ZBTB20: variants seen among roughly 807,000 people sequenced by gnomAD.
ZBTB20 encodes zinc finger and BTB domain-containing protein 20.
In ZBTB20, 9 loss-of-function variants were observed where a neutral mutation model predicts 56.9. The observed-to-expected ratio is 0.16, with a 90% CI of 0.10 to 0.28. The LOEUF (loss-of-function observed/expected upper bound fraction) is 0.28, where lower values mean the gene tolerates loss of function less well. Among genes scored for constraint, ZBTB20 ranks in the 10% least tolerant of loss-of-function variants. The pLI, the probability that ZBTB20 is intolerant of heterozygous loss-of-function variation, is 1.00. For synonymous variants in ZBTB20, 417 were observed against 420.7 expected (o/e 0.99, Z 0.11); for missense variants, 655 against 1,003.0 (o/e 0.65, Z 4.69).
intron 1 of ZBTB20, among the ~76,000 whole-genome samples, chr3:115,092,505 T>C (rs1472033120): frequency 6.6e-6 from 1 of 152,140 alleles, no homozygotes; most frequent in Non-Finnish European, 1.5e-5. Context: ...CATGCCTATA[T>C]AGAAATAGGA....
intron 5 of ZBTB20, among the ~76,000 whole-genome samples, chr3:114,737,118 C>T (rs1434403084): frequency 6.6e-6 from 1 of 151,990 alleles, no homozygotes; most frequent in African/African-American, 2.4e-5. Flanking sequence ...AATCTATGGA[C>T]AAGATGAATT....
intron 1 of ZBTB20, among the ~76,000 whole-genome samples, chr3:115,097,721 A>G (rs2083433123): frequency 6.6e-6 from 1 of 152,230 alleles, no homozygotes; most frequent in African/African-American, 2.4e-5. Flanking sequence ...GCTGATAGGA[A>G]GAGCCCACTA....
chr3:114,524,085 C>T (rs1250109893), intron 6 of ZBTB20, among the ~76,000 whole-genome samples: 2 of 151,986 alleles, frequency 1.3e-5, no homozygotes, highest in Non-Finnish European at 2.9e-5. Flanking sequence ...GTGTTAAAGG[C>T]GCATACAAGG....
intron 1 of ZBTB20, among the ~76,000 whole-genome samples, chr3:115,123,630 A>G (rs2084243607): frequency 6.6e-6 from 1 of 152,206 alleles, no homozygotes; most frequent in Non-Finnish European, 1.5e-5. Context: ...CCAAAGCTAA[A>G]TATGACCTAA....
chr3:114,586,989 CTTTTTTTTTTTTT>C (rs1195918426), intron 6 of ZBTB20, among the ~76,000 whole-genome samples: 1 of 76,976 alleles, frequency 1.3e-5, no homozygotes, highest in African/African-American at 5.0e-5. Context: ...GTATAACTCC[CTTTTTTTTTTTTT>C]TTTTTTTTTT....
Position 114,325,800 on chromosome 3 carries a change from G to C in ZBTB20, c.*13205C>G, listed in dbSNP as rs2079044913. 1 of 152,168 alleles carries C rather than the reference G, an allele frequency of 6.6e-6. No homozygotes were observed. The highest frequency in any genetic ancestry group is 1.9e-4 in the East Asian group (1 of 5,204). The allele number at this position is 152,168 out of a possible 1,614,324, so 9.4% of individuals were successfully genotyped here. ...AGCACAAAAGAAAGGTTACAAAAAC[G>C]TTGTCAGGCTATCTGTTAATCGAGT... On this transcript the variant is annotated 3_prime_UTR_variant, in exon 12 of 12. Transcript: ENST00000675478.
rs144816195 is a variant in ZBTB20 at position 114,536,342 on chromosome 3, T to C, written c.-294-35951A>G. ...TGTGCAAAAATCACAAGTATTCCTATACACCAATAACAGAGAGCCAAATCA... is the reference window on the plus strand; with the variant it reads ...TGTGCAAAAATCACAAGTATTCCTACACACCAATAACAGAGAGCCAAATCA... On this transcript the variant is annotated intron_variant, in intron 6 of 11. Transcript: ENST00000675478. Among the ~76,000 whole-genome samples the C allele has an allele frequency of 7.9e-3, 1,206 of 152,200 alleles. 20 individuals are homozygous for C. Among genetic ancestry groups the C allele is most frequent in the African/African-American group, 0.027 (1,131 of 41,546 alleles).
chr3:114,614,419 T>C (rs972921098), intron 6 of ZBTB20, among the ~76,000 whole-genome samples: 1 of 152,198 alleles, frequency 6.6e-6, no homozygotes, highest in Non-Finnish European at 1.5e-5. Context: ...GTAAAAAGTT[T>C]AGTCTCAGCC....
chr3:114,418,002 C>A (rs143175811), intron 7 of ZBTB20, among the ~76,000 whole-genome samples: 1 of 152,124 alleles, frequency 6.6e-6, no homozygotes, highest in East Asian at 1.9e-4. Flanking sequence ...TCAAGGTACG[C>A]CCACCTTGGG....
At chr3:114,837,952 T>C (rs1486059616) in intron 4 of ZBTB20, among the ~76,000 whole-genome samples, 1 of 152,170 alleles carries the variant, frequency 6.6e-6, no homozygotes, top group Admixed American at 6.5e-5. Flanking sequence ...ATTGGACATT[T>C]TGCCAATGAT....
chr3:114,342,782 T>C (rs1418523617), intron 11 of ZBTB20, among the ~76,000 whole-genome samples: 1 of 152,216 alleles, frequency 6.6e-6, no homozygotes, highest in African/African-American at 2.4e-5. Flanking sequence ...ATCCTGAATT[T>C]TTAAAAAATT....
intron 7 of ZBTB20, among the ~76,000 whole-genome samples, chr3:114,406,388 T>A (rs919585191): frequency 6.6e-6 from 1 of 152,174 alleles, no homozygotes; most frequent in Non-Finnish European, 1.5e-5. Flanking sequence ...CATCAATACA[T>A]CTGGAGAATA....
At chr3:115,036,848 T>C (rs2080945521) in intron 2 of ZBTB20, among the ~76,000 whole-genome samples, 1 of 152,106 alleles carries the variant, frequency 6.6e-6, no homozygotes, top group Admixed American at 6.5e-5. Context: ...AAAATATATA[T>C]ATCCATAGGA....
At chr3:114,606,361 C>A (rs1348175591) in intron 6 of ZBTB20, among the ~76,000 whole-genome samples, 1 of 152,124 alleles carries the variant, frequency 6.6e-6, no homozygotes, top group Non-Finnish European at 1.5e-5. Context: ...TGCTGACTTA[C>A]CGTTCTTTTA....
intron 2 of ZBTB20, among the ~76,000 whole-genome samples, chr3:114,981,383 A>G (rs1300320437): frequency 6.6e-6 from 1 of 152,116 alleles, no homozygotes; most frequent in African/African-American, 2.4e-5. Context: ...AAGGTTAAAT[A>G]TGTTTCCTTT....
chr3:114,452,463 C>T (rs1168281344), intron 7 of ZBTB20, among the ~76,000 whole-genome samples: 1 of 152,114 alleles, frequency 6.6e-6, no homozygotes, highest in African/African-American at 2.4e-5. Context: ...CTAACACTGG[C>T]CACCTAGTAC....
intron 4 of ZBTB20, among the ~76,000 whole-genome samples, chr3:114,850,866 T>G (rs1222210026): frequency 6.6e-6 from 1 of 152,176 alleles, no homozygotes; most frequent in Non-Finnish European, 1.5e-5. Flanking sequence ...ATTTTGTGGA[T>G]AGGCACACTT....
At chr3:114,504,043 AC>A (rs780740928) in intron 6 of ZBTB20, among the ~76,000 whole-genome samples, 10 of 151,654 alleles carry the variant, frequency 6.6e-5, no homozygotes, top group Non-Finnish European at 1.3e-4. Context: ...GGGGAGAAAA[AC>A]CCTCTTTCAA....
intron 1 of ZBTB20, among the ~76,000 whole-genome samples, chr3:115,111,045 T>A (rs929635102): frequency 2.1e-4 from 28 of 131,606 alleles, no homozygotes; most frequent in African/African-American, 6.2e-4. Flanking sequence ...AATAAATAAA[T>A]AAAAATAAAA....
Sources: allele counts gnomAD v4.1 joint callset (sites outside exome capture counted in the v4.1 genomes callset), GRCh38; gene constraint gnomAD v4.1.1; transcripts MANE v1.5; gene names NCBI Gene and HGNC (gene_info 2026-07-23, HGNC 2026-07-21).